Variants in RYR2 observed in about 807,000 individuals in gnomAD.
RYR2 encodes ryanodine receptor 2.
RYR2 carries 227 observed loss-of-function variants against 601.1 expected under a neutral mutation model. The ratio of observed to expected loss-of-function variants is 0.38; its 90% confidence interval spans 0.34 to 0.42. The LOEUF is 0.42. RYR2 is among the 10% of genes least tolerant of loss of function. The pLI is 1.00. For missense variants in RYR2, 4,646 were observed against 6,156.5 expected (o/e 0.75, Z 8.21); for synonymous variants, 2,223 against 2,175.1 (o/e 1.02, Z -0.61).
At chr1:237,517,927 G>C (rs1282328163) in intron 24 of RYR2, among the ~76,000 whole-genome samples, 1 of 151,962 alleles carries the variant, frequency 6.6e-6, no homozygotes, top group East Asian at 1.9e-4. Flanking sequence ...CTCAAACTTT[G>C]TGACTTTTTT....
chr1:237,750,615 C>G (rs1451127020), intron 80 of RYR2, among the ~76,000 whole-genome samples: 1 of 151,160 alleles, frequency 6.6e-6, no homozygotes, highest in South Asian at 2.1e-4. Context: ...AAATATAATA[C>G]TATTTAAAAT....
intron 58 of RYR2, among the ~76,000 whole-genome samples, chr1:237,670,905 A>G (rs1684868181): frequency 1.3e-5 from 2 of 152,228 alleles, no homozygotes; most frequent in African/African-American, 2.4e-5. Context: ...TCAGATTTTT[A>G]GATTAGACCT....
intron 84 of RYR2, among the ~76,000 whole-genome samples, chr1:237,762,622 G>A (rs1229208577): frequency 6.6e-6 from 1 of 152,148 alleles, no homozygotes; most frequent in Admixed American, 6.5e-5. Context: ...AGGCGGATAT[G>A]GGTTGGAATA....
chr1:237,594,885 G>GGTTTTTTTTTTTTTTTTTT (rs1675640457), intron 33 of RYR2, among the ~76,000 whole-genome samples: 1 of 79,048 alleles, frequency 1.3e-5, no homozygotes, highest in African/African-American at 7.2e-5. Context: ...AATATCACTG[G>GGTTTTTTTTTTTTTTTTTT]GTTTTTTTTT....
intron 1 of RYR2, among the ~76,000 whole-genome samples, chr1:237,149,318 C>CAA (rs1298255576): frequency 1.3e-5 from 2 of 151,602 alleles, no homozygotes; most frequent in African/African-American, 4.8e-5. Flanking sequence ...AAAACAAAAA[C>CAA]AAAAACAAAA....
intron 1 of RYR2, among the ~76,000 whole-genome samples, chr1:237,133,924 C>CA (rs10639948): frequency 8.1e-4 from 81 of 100,456 alleles, no homozygotes; most frequent in African/African-American, 1.6e-3. Context: ...GACTCCGTCT[C>CA]AAAAAAAAAA....
At chr1:237,546,219 A>G (rs1400889603) in intron 25 of RYR2, among the ~76,000 whole-genome samples, 1 of 152,176 alleles carries the variant, frequency 6.6e-6, no homozygotes, top group African/African-American at 2.4e-5. Context: ...AAATGGAACA[A>G]AATTTAATGT....
At chr1:237,256,243 C>T (rs1286258085) in intron 1 of RYR2, among the ~76,000 whole-genome samples, 4 of 152,214 alleles carry the variant, frequency 2.6e-5, no homozygotes, top group East Asian at 3.9e-4. Context: ...ATGTGCCTTT[C>T]GCCTTCTGCC....
chr1:237,732,453 C>A (rs1439168192), intron 78 of RYR2, among the ~76,000 whole-genome samples: 2 of 152,042 alleles, frequency 1.3e-5, no homozygotes, highest in Non-Finnish European at 1.5e-5. Flanking sequence ...ATAAATAAAA[C>A]AAAAGAACCA....
At chr1:237,509,005 G>A (rs979348738) in intron 23 of RYR2, among the ~76,000 whole-genome samples, 4 of 152,016 alleles carry the variant, frequency 2.6e-5, no homozygotes, top group Non-Finnish European at 5.9e-5. Context: ...GCCTCCCAAA[G>A]TGCTGGGATT....
At chr1:237,337,342 C>G (rs548315742) in intron 3 of RYR2, among the ~76,000 whole-genome samples, 1 of 152,044 alleles carries the variant, frequency 6.6e-6, no homozygotes, top group South Asian at 2.1e-4. Flanking sequence ...GCACTGAAGC[C>G]CCATAAATTA....
chr1:237,329,850 C>T (rs937107815), intron 2 of RYR2, among the ~76,000 whole-genome samples: 6 of 151,082 alleles, frequency 4.0e-5, no homozygotes, highest in African/African-American at 1.2e-4. Context: ...ATTGAGATAG[C>T]GGTTTAAGAG....
intron 101 of RYR2, among the ~76,000 whole-genome samples, chr1:237,821,002 G>GA (rs200845676): frequency 2.0e-5 from 3 of 151,616 alleles, no homozygotes; most frequent in African/African-American, 7.3e-5. Context: ...GGCATCTCTG[G>GA]AAAAAAAAGG....
chr1:237,733,783 A>G, intron 79 of RYR2, 27 bp downstream of exon 79: 1 of 1,470,288 alleles, frequency 6.8e-7, no homozygotes, highest in African/African-American at 1.4e-5. Flanking sequence ...CCTGATTTTC[A>G]TGTTTAATTT....
intron 1 of RYR2, among the ~76,000 whole-genome samples, chr1:237,166,323 T>C (rs1394007597): frequency 6.6e-6 from 1 of 152,222 alleles, no homozygotes; most frequent in Non-Finnish European, 1.5e-5. Context: ...AACAGATACT[T>C]TCTGCATGAG....
At chr1:237,593,668 C>G in intron 33 of RYR2, 32 bp downstream of exon 33, 1 of 1,609,064 alleles carries the variant, frequency 6.2e-7, no homozygotes, top group Non-Finnish European at 8.5e-7. Context: ...GCAAGAATGA[C>G]ATGTGAAAAA....
Position 237,548,569 on chromosome 1 carries a change from C to T in RYR2, c.3045C>T (p.Gly1015=), listed in dbSNP as rs1405734932. The change falls in exon 26 of 105, where the codon GGC becomes GGT. Residue 1015 remains glycine, a synonymous_variant. Transcript: ENST00000366574. The part of the protein sequence containing the change: ...NVWARDRIRQ[G]WTYGIQQDVK... ...GGGCGCGGGATCGAATCCGGCAGGG[C>T]TGGACTTATGGCATCCAACAGGTAC... 1.2e-6 allele frequency: 2 copies of T among 1,613,912 alleles called. No individual in the cohort carries two copies. The highest frequency in any genetic ancestry group is 1.7e-6 in the Non-Finnish European group (2 of 1,179,858).
chr1:237,286,113 G>C (rs1347073911), intron 2 of RYR2, among the ~76,000 whole-genome samples: 1 of 151,996 alleles, frequency 6.6e-6, no homozygotes, highest in Admixed American at 6.6e-5. Context: ...TGTCCTTAGA[G>C]TGTCAGTTTG....
intron 63 of RYR2, among the ~76,000 whole-genome samples, chr1:237,691,674 A>T (rs1686957137): frequency 6.6e-6 from 1 of 152,234 alleles, no homozygotes; most frequent in Non-Finnish European, 1.5e-5. Flanking sequence ...GTTTTTAAAA[A>T]GGAAGACAAG....
Sources: allele counts gnomAD v4.1 joint callset (sites outside exome capture counted in the v4.1 genomes callset), GRCh38; gene constraint gnomAD v4.1.1; transcripts MANE v1.5; gene names NCBI Gene and HGNC (gene_info 2026-07-23, HGNC 2026-07-21).